Variants in DSCAML1 observed in about 807,000 individuals in gnomAD.
DSCAML1 encodes the protein cell adhesion molecule DSCAML1.
Under a neutral mutation model 200.5 loss-of-function variants are expected in DSCAML1, and 38 were observed. That is an observed-to-expected ratio of 0.19 (90% CI 0.15 to 0.25). The LOEUF (loss-of-function observed/expected upper bound fraction) is 0.25. Ranked by LOEUF, DSCAML1 falls within the 10% of genes least tolerant of loss-of-function variation. The probability of loss-of-function intolerance (pLI) is 1.00; values close to 1 mark genes in which losing one functional copy is unlikely to be tolerated. For synonymous variants in DSCAML1, 1,215 were observed against 1,165.0 expected, an observed-to-expected ratio of 1.04 and a Z score of -0.87; for missense variants, 2,223 against 2,858.8, an observed-to-expected ratio of 0.78 and a Z score of 5.07.
chr11:117,760,304 G>C (rs1341600479), intron 3 of DSCAML1, among the ~76,000 whole-genome samples: 1 of 152,228 alleles, frequency 6.6e-6, no homozygotes, highest in African/African-American at 2.4e-5. Flanking sequence ...TCTGAAAACA[G>C]TTGTATTTCC....
At chr11:117,564,693 CCTTCCTTCCTTT>C (rs1475882094) in intron 3 of DSCAML1, among the ~76,000 whole-genome samples, 1 of 151,228 alleles carries the variant, frequency 6.6e-6, no homozygotes, top group Non-Finnish European at 1.5e-5. Context: ...TCCTTCCTAT[CCTTCCTTCCTTT>C]CTTCCTTCTT....
chr11:117,604,518 C>T (rs680730), intron 3 of DSCAML1, among the ~76,000 whole-genome samples: 47,788 of 151,910 alleles, frequency 0.31, 7,709 homozygotes, highest in South Asian at 0.44. Flanking sequence ...TGAACTGGCA[C>T]GAGGCTCCAT....
At chr11:117,496,741 A>T (rs1387982703) in intron 11 of DSCAML1, among the ~76,000 whole-genome samples, 1 of 152,214 alleles carries the variant, frequency 6.6e-6, no homozygotes, top group African/African-American at 2.4e-5. Flanking sequence ...AAGAGCCCAG[A>T]TGAGACCCTT....
chr11:117,545,198 C>G (rs1305235378), intron 3 of DSCAML1, among the ~76,000 whole-genome samples: 1 of 150,886 alleles, frequency 6.6e-6, no homozygotes, highest in East Asian at 2.0e-4. Flanking sequence ...CCACCACACT[C>G]TAGCCTGGGC....
chr11:117,443,869 A>G lies in DSCAML1; in HGVS notation c.3862+17T>C, dbSNP rs1441616200. The G allele has an allele frequency of 5.7e-6, 9 of 1,575,766 alleles. 1 individual carries two copies. In the South Asian group the frequency reaches 1.0e-4, roughly 18 times the overall value. ...TTGGAAGTGTTTGCCCCTCTGCCACAGCCTCAGGCTTCTCACCCTTGCCAG... is the reference window on the plus strand; with the variant it reads ...TTGGAAGTGTTTGCCCCTCTGCCACGGCCTCAGGCTTCTCACCCTTGCCAG... On this transcript the variant is annotated intron_variant, in intron 21 of 32. Transcript: ENST00000651296.
chr11:117,660,359 A>G (rs2052822011), intron 3 of DSCAML1, among the ~76,000 whole-genome samples: 1 of 152,228 alleles, frequency 6.6e-6, no homozygotes, highest in African/African-American at 2.4e-5. Flanking sequence ...TGGTTCTGCC[A>G]TAGTCCATAT....
intron 15 of DSCAML1, 88 bp downstream of exon 15, chr11:117,471,781 C>T: frequency 6.8e-7 from 1 of 1,475,080 alleles, no homozygotes; most frequent in Non-Finnish European, 9.2e-7. Context: ...TAACTGCAAG[C>T]TCATTGCCAG....
chr11:117,692,444 C>T (rs1446106613), intron 3 of DSCAML1, among the ~76,000 whole-genome samples: 2 of 152,100 alleles, frequency 1.3e-5, no homozygotes, highest in Admixed American at 6.5e-5. Context: ...CCCCCAAACA[C>T]ACTCAGGATA....
intron 3 of DSCAML1, among the ~76,000 whole-genome samples, chr11:117,726,246 T>A (rs1187402839): frequency 6.7e-6 from 1 of 148,454 alleles, no homozygotes; most frequent in African/African-American, 2.6e-5. Context: ...GTTGTGTGTG[T>A]ATCTCTGTGT....
intron 3 of DSCAML1, among the ~76,000 whole-genome samples, chr11:117,666,022 G>A (rs781591222): frequency 6.6e-6 from 1 of 152,202 alleles, no homozygotes; most frequent in Non-Finnish European, 1.5e-5. Context: ...TGGGCAGTTG[G>A]TCAGTGGCTG....
intron 21 of DSCAML1, 80 bp downstream of exon 21, chr11:117,443,806 C>A (rs1392490834): frequency 1.0e-5 from 15 of 1,503,628 alleles, no homozygotes; most frequent in Middle Eastern, 1.8e-4. Flanking sequence ...CAGGCAGAGA[C>A]CCTGTCTGGG....
chr11:117,630,065 A>G (rs1246652208), intron 3 of DSCAML1, among the ~76,000 whole-genome samples: 2 of 152,164 alleles, frequency 1.3e-5, no homozygotes, highest in Non-Finnish European at 2.9e-5. Context: ...GAGACAGCAC[A>G]GTGAGGCAAG....
intron 3 of DSCAML1, among the ~76,000 whole-genome samples, chr11:117,772,365 A>G (rs1421313828): frequency 2.0e-5 from 3 of 152,140 alleles, no homozygotes; most frequent in Non-Finnish European, 4.4e-5. Context: ...CTCTGGCCAG[A>G]GGCGTCCTTG....
At chr11:117,594,361 G>A (rs1192265188) in intron 3 of DSCAML1, among the ~76,000 whole-genome samples, 1 of 152,240 alleles carries the variant, frequency 6.6e-6, no homozygotes, top group Admixed American at 6.5e-5. Context: ...AGATCCCTCA[G>A]TCACTCTGAC....
In DSCAML1 at chr11:117,480,521, T is replaced by C. The variant is rs1219479158; in HGVS notation, c.2707A>G (p.Met903Val). The C allele has an allele frequency of 6.3e-7, 1 of 1,597,168 alleles. No individual in the cohort carries two copies. Among genetic ancestry groups the C allele is most frequent in the South Asian group, 1.1e-5 (1 of 88,206 alleles). Residue 903 changes from methionine to valine, a missense_variant, in exon 14 of 33, where the codon ATG becomes GTG. Met to Val is a conservative substitution (Grantham distance 21). Coordinates refer to ENST00000651296, the MANE Select transcript of DSCAML1 (RefSeq NM_020693.4). The surrounding 1 kb of genome is among the most constrained non-coding windows in gnomAD (Gnocchi z 4.1). ...LEIREVKARS[M>V]NLRWTQRFDG... ...AATCGCTGGGTCCAGCGCAGGTTCA[T>C]GCTCCGGGCCTTCACCTCCCGGATC...
intron 3 of DSCAML1, among the ~76,000 whole-genome samples, chr11:117,594,772 T>A (rs1467001137): frequency 6.6e-6 from 1 of 152,186 alleles, no homozygotes; most frequent in Admixed American, 6.5e-5. Flanking sequence ...TAGTCCTATG[T>A]GGTTGGAGCC....
Position 117,428,802 on chromosome 11 carries a change from A to T in DSCAML1, c.5688T>A (p.Ser1896Arg). The T allele has an allele frequency of 6.3e-7, 1 of 1,594,616 alleles. No homozygotes were observed. Residue 1896 changes from serine to arginine, a missense_variant and splice_region_variant, in exon 33 of 33, where the codon AGT becomes AGA. Ser to Arg is a moderately radical substitution (Grantham distance 110). Transcript: ENST00000651296. ...CATACAGGGGCAGGTTGCAGTAGTC[A>T]CCTGGAATCACAGAGGCAGAGGATG... ...AVPIPHRANK[S>R]DYCNLPLYAK...
At chr11:117,776,188 G>C (rs1051393092) in intron 3 of DSCAML1, among the ~76,000 whole-genome samples, 1 of 152,072 alleles carries the variant, frequency 6.6e-6, no homozygotes, top group Admixed American at 6.5e-5. Context: ...TCACAATCAC[G>C]GCAGCTGTGA....
chr11:117,549,976 A>G (rs1396649616), intron 3 of DSCAML1, among the ~76,000 whole-genome samples: 2 of 152,126 alleles, frequency 1.3e-5, no homozygotes, highest in Admixed American at 6.5e-5. Context: ...CCCCAACTCT[A>G]CTGGTCCATG....
Sources: gnomAD v4.1 joint callset for allele counts (sites outside exome capture counted in the v4.1 genomes callset) on GRCh38, gnomAD v4.1.1 for gene constraint, Gnocchi (gnomAD v3.1) non-coding constraint, MANE v1.5 for transcripts, NCBI Gene and HGNC (gene_info 2026-07-23, HGNC 2026-07-21) for gene names.